The following ASTN2 variants were observed in gnomAD, a reference collection of about 807,000 sequenced individuals.
The protein encoded by ASTN2 is astrotactin-2.
In ASTN2, 54 loss-of-function variants were observed where a neutral mutation model predicts 139.8. That is an observed-to-expected ratio of 0.39 (90% CI 0.31 to 0.48). The LOEUF (loss-of-function observed/expected upper bound fraction) is 0.48, where lower values mean the gene tolerates loss of function less well. Among genes scored for constraint, ASTN2 ranks in the 20% least tolerant of loss-of-function variants. ASTN2 has a pLI of 0.95. For synonymous variants in ASTN2, 756 were observed against 719.5 expected, an observed-to-expected ratio of 1.05 and a Z score of -0.81; for missense variants, 1,565 against 1,725.1, an observed-to-expected ratio of 0.91 and a Z score of 1.64.
intron 2 of ASTN2, among the ~76,000 whole-genome samples, chr9:117,242,980 C>T (rs553595914): frequency 1.4e-4 from 21 of 152,198 alleles, no homozygotes; most frequent in Non-Finnish European, 2.9e-4. Context: ...ATCATCATCG[C>T]CATCGTCATC....
intron 12 of ASTN2, among the ~76,000 whole-genome samples, chr9:116,813,691 A>G (rs1326542937): frequency 2.6e-5 from 4 of 152,212 alleles, no homozygotes; most frequent in African/African-American, 9.7e-5. Context: ...TTATCAAAAT[A>G]CATATCCTAG....
chr9:117,034,630 C>T (rs1392555171), intron 6 of ASTN2, among the ~76,000 whole-genome samples: 1 of 152,132 alleles, frequency 6.6e-6, no homozygotes, highest in Non-Finnish European at 1.5e-5. Context: ...CTAGAGAGTT[C>T]TTGTAAAGAA....
intron 4 of ASTN2, among the ~76,000 whole-genome samples, chr9:117,129,446 G>T (rs971544036): frequency 6.6e-6 from 1 of 151,984 alleles, no homozygotes; most frequent in African/African-American, 2.4e-5. Flanking sequence ...TTAAGAAATG[G>T]CCAAAGCCAG....
At chr9:116,974,442 A>G (rs770310361) in intron 10 of ASTN2, among the ~76,000 whole-genome samples, 16 of 152,104 alleles carry the variant, frequency 1.1e-4, no homozygotes, top group Middle Eastern at 3.4e-3. Flanking sequence ...AAGCTGCAGG[A>G]TAATGTAAAG....
At chr9:116,474,419 G>A (rs1848913731) in intron 20 of ASTN2, among the ~76,000 whole-genome samples, 1 of 148,276 alleles carries the variant, frequency 6.7e-6, no homozygotes, top group Admixed American at 6.6e-5. Context: ...GTTGGTGGAT[G>A]GGGGTCTGTC....
intron 5 of ASTN2, among the ~76,000 whole-genome samples, chr9:117,070,956 T>C (rs1828103694): frequency 6.8e-6 from 1 of 148,012 alleles, no homozygotes; most frequent in Non-Finnish European, 1.5e-5. Context: ...TTGGTTTGAA[T>C]GTCCTCCCGT....
chr9:117,334,463 A>G (rs1182089779), intron 1 of ASTN2, among the ~76,000 whole-genome samples: 1 of 151,324 alleles, frequency 6.6e-6, no homozygotes, highest in African/African-American at 2.4e-5. Context: ...TAAGGATTAC[A>G]TGAGAAGTGG....
intron 20 of ASTN2, among the ~76,000 whole-genome samples, chr9:116,480,525 C>A (rs541841475): frequency 2.0e-5 from 3 of 152,290 alleles, no homozygotes; most frequent in African/African-American, 4.8e-5. Flanking sequence ...CAGGCACAGA[C>A]CTTGGTCCAA....
At chr9:117,265,728 T>C (rs529133884) in intron 2 of ASTN2, among the ~76,000 whole-genome samples, 33 of 152,042 alleles carry the variant, frequency 2.2e-4, no homozygotes, top group Non-Finnish European at 4.4e-5. Flanking sequence ...AACATTCAAG[T>C]GCTTTATCAC....
At chr9:117,143,484 C>T (rs968602143) in intron 3 of ASTN2, among the ~76,000 whole-genome samples, 1 of 152,150 alleles carries the variant, frequency 6.6e-6, no homozygotes, top group Admixed American at 6.5e-5. Flanking sequence ...GGGAATGACC[C>T]ACACAGGATC....
chr9:116,863,800 G>A, intron 10 of ASTN2, 67 bp from the exon 11 acceptor site: 1 of 1,443,218 alleles, frequency 6.9e-7, no homozygotes, highest in Non-Finnish European at 9.3e-7. Context: ...AAATAATAAT[G>A]TGAATTCATT....
intron 1 of ASTN2, among the ~76,000 whole-genome samples, chr9:117,312,556 G>A (rs1206192032): frequency 6.6e-6 from 1 of 152,138 alleles, no homozygotes; most frequent in Non-Finnish European, 1.5e-5. Flanking sequence ...TTACAATACA[G>A]ATATTACTTT....
chr9:116,847,041 C>CA (rs1265504130), intron 11 of ASTN2, among the ~76,000 whole-genome samples: 1 of 123,574 alleles, frequency 8.1e-6, no homozygotes, highest in Non-Finnish European at 1.7e-5. Context: ...AAACAAAAAA[C>CA]AAAAAACAAA....
chr9:117,016,604 CTATATCTATATCTATCTATCTATATAT>C (rs1837687440), intron 6 of ASTN2, among the ~76,000 whole-genome samples: 1 of 21,642 alleles, frequency 4.6e-5, no homozygotes, highest in Non-Finnish European at 8.4e-5. Context: ...ATATATATAT[CTATATCTATATCTATCTATCTATATAT>C]ATATATATAT....
chr9:116,459,666 G>C (rs1252319477), intron 20 of ASTN2, among the ~76,000 whole-genome samples: 1 of 152,036 alleles, frequency 6.6e-6, no homozygotes, highest in Non-Finnish European at 1.5e-5. Flanking sequence ...TTGACATCAT[G>C]TTATTAGGAG....
chr9:116,595,371 A>C (rs1012520588), intron 19 of ASTN2, among the ~76,000 whole-genome samples: 2 of 152,090 alleles, frequency 1.3e-5, no homozygotes, highest in Non-Finnish European at 2.9e-5. Flanking sequence ...TCTGTTGCCC[A>C]GGCTGGAGTG....
chr9:116,510,081 C>A (rs1850302141), intron 19 of ASTN2, among the ~76,000 whole-genome samples: 1 of 152,172 alleles, frequency 6.6e-6, no homozygotes, highest in South Asian at 2.1e-4. Context: ...AGTCCTTGCC[C>A]ATGCCTATGT....
intron 4 of ASTN2, among the ~76,000 whole-genome samples, chr9:117,132,702 G>A (rs1829854439): frequency 6.6e-6 from 1 of 152,126 alleles, no homozygotes; most frequent in African/African-American, 2.4e-5. Context: ...AATACAACCT[G>A]TGGGTCACCG....
chr9:117,202,191 G>A (rs1388478607), intron 3 of ASTN2, among the ~76,000 whole-genome samples: 2 of 151,936 alleles, frequency 1.3e-5, no homozygotes, highest in African/African-American at 4.8e-5. Flanking sequence ...CCATTTGCTT[G>A]GTAAATCTTC....
Sources: gnomAD v4.1 joint callset for allele counts (sites outside exome capture counted in the v4.1 genomes callset) on GRCh38, gnomAD v4.1.1 for gene constraint, MANE v1.5 for transcripts, NCBI Gene and HGNC (gene_info 2026-07-23, HGNC 2026-07-21) for gene names.